Variants in TSEN15 observed in about 807,000 individuals in gnomAD.
The protein encoded by TSEN15 is tRNA splicing endonuclease subunit 15, also known as tRNA-splicing endonuclease subunit Sen15.
TSEN15 carries 10 observed loss-of-function variants against 20.5 expected under a neutral mutation model. The observed-to-expected ratio is 0.49, with a 90% CI of 0.30 to 0.83. The LOEUF (loss-of-function observed/expected upper bound fraction) is 0.83. Ranked by LOEUF, TSEN15 falls within the 40% of genes least tolerant of loss-of-function variation. The pLI, the probability that TSEN15 is intolerant of heterozygous loss-of-function variation, is 0.06. For synonymous variants in TSEN15, 72 were observed against 80.1 expected, an observed-to-expected ratio of 0.90 and a Z score of 0.54; for missense variants, 180 against 218.6, an observed-to-expected ratio of 0.82 and a Z score of 1.11.
rs545693430 is a variant in TSEN15, at chr1:184,059,263, C to T, written c.353+4400C>T. 6.6e-5 allele frequency among the ~76,000 whole-genome samples: 10 copies of T among 152,160 alleles called. No homozygotes were observed. In the East Asian group the frequency reaches 1.9e-3, roughly 29 times the overall value. ...AAAAGTCTCTTTAGCCAGTAAGAGA[C>T]CATGGTTTAGTAGGGTAACTGCAAG... On this transcript the variant is annotated intron_variant, in intron 3 of 4. Coordinates refer to ENST00000645668, the MANE Select transcript of TSEN15 (RefSeq NM_052965.4).
chr1:184,077,027 G>T (rs189843732), downstream of TSEN15, among the ~76,000 whole-genome samples: 142 of 152,238 alleles, frequency 9.3e-4, no homozygotes, highest in Non-Finnish European at 1.8e-3. Flanking sequence ...GTTGATGAAG[G>T]TGGCTATATT....
intron 3 of TSEN15, among the ~76,000 whole-genome samples, chr1:184,080,629 AT>A (rs1418280542): frequency 1.3e-5 from 2 of 152,204 alleles, no homozygotes; most frequent in East Asian, 3.8e-4. Flanking sequence ...CATAAGCAAT[AT>A]ATTTACAGAG....
At chr1:184,097,235 G>C (rs978000448) in exon 4 of TSEN15, 1 of 152,230 alleles carries the variant, frequency 6.6e-6, no homozygotes, top group African/African-American at 2.4e-5. Flanking sequence ...ACATTGGCTT[G>C]ATTGAAACCA....
chr1:184,057,818 C>T (rs1406546469), intron 3 of TSEN15, among the ~76,000 whole-genome samples: 4 of 152,088 alleles, frequency 2.6e-5, no homozygotes, highest in Admixed American at 1.3e-4. Context: ...ACTGTTTTCT[C>T]TGTGTTTGAG....
chr1:184,087,083 G>A (rs1283147088), intron 3 of TSEN15, among the ~76,000 whole-genome samples: 1 of 152,182 alleles, frequency 6.6e-6, no homozygotes, highest in Non-Finnish European at 1.5e-5. Flanking sequence ...CATGCCTGGT[G>A]TTTAGCAGGA....
At chr1:184,071,441 C>A (rs1322062111) in intron 3 of TSEN15, among the ~76,000 whole-genome samples, 1 of 151,870 alleles carries the variant, frequency 6.6e-6, no homozygotes, top group East Asian at 1.9e-4. Flanking sequence ...ATAATTACAA[C>A]ACTATATTAC....
chr1:184,062,231 A>G (rs1468076048), intron 3 of TSEN15, among the ~76,000 whole-genome samples: 2 of 152,122 alleles, frequency 1.3e-5, no homozygotes, highest in Non-Finnish European at 2.9e-5. Flanking sequence ...TTATAATGCC[A>G]TATTAAGTTG....
At chr1:184,091,020 C>A (rs1651346718) in intron 3 of TSEN15, among the ~76,000 whole-genome samples, 1 of 152,196 alleles carries the variant, frequency 6.6e-6, no homozygotes, top group Non-Finnish European at 1.5e-5. Context: ...GTAATTATTT[C>A]TAAGTCTTCC....
At chr1:184,070,569 A>G in intron 3 of TSEN15, 2 of 899,920 alleles carry the variant, frequency 2.2e-6, no homozygotes, top group South Asian at 1.6e-5. Flanking sequence ...TTAATTCAAG[A>G]TGGACAGCCT....
chr1:184,066,259 T>C (rs950741385), intron 3 of TSEN15, among the ~76,000 whole-genome samples: 1 of 145,254 alleles, frequency 6.9e-6, no homozygotes, highest in Non-Finnish European at 1.5e-5. Context: ...CAAATTGCCT[T>C]TTTTTTTTTG....
At chr1:184,090,744 T>C (rs1039892404) in intron 3 of TSEN15, among the ~76,000 whole-genome samples, 3 of 152,166 alleles carry the variant, frequency 2.0e-5, no homozygotes, top group Non-Finnish European at 4.4e-5. Flanking sequence ...TGGTGAAATG[T>C]TGAAGTTGAG....
At position 184,072,822 on chromosome 1, in the gene TSEN15, T is replaced by C. The variant is rs775140963; in HGVS notation, c.496-5T>C. The C allele has an allele frequency of 1.9e-6, 3 of 1,602,480 alleles. No homozygotes were observed. The highest frequency in any genetic ancestry group is 2.6e-6 in the Non-Finnish European group (3 of 1,176,386). On this transcript the variant is annotated splice_polypyrimidine_tract_variant and splice_region_variant and intron_variant, in intron 4 of 4. Transcript: ENST00000645668. ...AAAGTCCATCCTGATCTTTTTTTTTTCCAGAATATTTCTCTTAGAAGATGA... is the reference window on the plus strand; with the variant it reads ...AAAGTCCATCCTGATCTTTTTTTTTCCCAGAATATTTCTCTTAGAAGATGA...
intron 3 of TSEN15, chr1:184,094,154 T>A (rs1331973594): frequency 6.6e-6 from 1 of 152,210 alleles, no homozygotes; most frequent in East Asian, 1.9e-4. Context: ...GAATGGTTTT[T>A]TGATGTGGCG....
chr1:184,097,405 T>G (rs1337319833), exon 4 of TSEN15: 1 of 152,216 alleles, frequency 6.6e-6, no homozygotes, highest in Non-Finnish European at 1.5e-5. Context: ...TGCCCTTAAC[T>G]CACAGGATGA....
chr1:184,055,987 CTTATCTT>C (rs911626512), intron 3 of TSEN15, among the ~76,000 whole-genome samples: 2 of 152,024 alleles, frequency 1.3e-5, no homozygotes, highest in Admixed American at 1.3e-4. Context: ...ATTAAAAAAT[CTTATCTT>C]TTAAGGCTGA....
intron 3 of TSEN15, chr1:184,094,216 C>A (rs1651409173): frequency 2.0e-5 from 3 of 152,308 alleles, no homozygotes; most frequent in Non-Finnish European, 4.4e-5. Flanking sequence ...AAAGTTAAAT[C>A]ACCACATAGC....
chr1:184,094,904 C>A (rs1470507652), intron 3 of TSEN15: 2 of 397,136 alleles, frequency 5.0e-6, no homozygotes, highest in African/African-American at 2.1e-5. Context: ...TACTAGCTCC[C>A]AGGCTGGAGG....
intron 3 of TSEN15, among the ~76,000 whole-genome samples, chr1:184,062,937 C>T (rs934628421): frequency 2.0e-5 from 3 of 152,104 alleles, no homozygotes; most frequent in Non-Finnish European, 2.9e-5. Flanking sequence ...AATCCAGGCA[C>T]AGTTAAGATA....
chr1:184,067,170 C>A (rs987044182), intron 3 of TSEN15, among the ~76,000 whole-genome samples: 2 of 151,684 alleles, frequency 1.3e-5, no homozygotes, highest in African/African-American at 4.9e-5. Context: ...TTTCTCATAC[C>A]CCCAAATTAA....
Sources: allele counts gnomAD v4.1 joint callset (sites outside exome capture counted in the v4.1 genomes callset), GRCh38; gene constraint gnomAD v4.1.1; transcripts MANE v1.5; gene names NCBI Gene and HGNC (gene_info 2026-07-23, HGNC 2026-07-21).